The following GHR variants were observed in gnomAD, a reference collection of about 807,000 sequenced individuals.
GHR encodes the protein GH receptor.
A neutral mutation model predicts 67.1 loss-of-function variants in GHR; 35 were observed. That is an observed-to-expected ratio of 0.52 (90% CI 0.40 to 0.69). GHR has a LOEUF of 0.69. GHR is among the 30% of genes least tolerant of loss of function. The probability of loss-of-function intolerance (pLI) is 0.00; values close to 1 mark genes in which losing one functional copy is unlikely to be tolerated. For missense variants in GHR, 792 were observed against 764.6 expected (o/e 1.04, Z -0.42); for synonymous variants, 272 against 269.1 (o/e 1.01, Z -0.10).
At chr5:42,565,663 G>T in intron 1 of GHR, 1 of 985,310 alleles carries the variant, frequency 1.0e-6, no homozygotes, top group Non-Finnish European at 1.2e-6. Context: ...CTCACGGGAA[G>T]TAGAATTTAT....
At chr5:42,463,942 G>A (rs1744602249) in intron 1 of GHR, among the ~76,000 whole-genome samples, 2 of 127,840 alleles carry the variant, frequency 1.6e-5, no homozygotes, top group African/African-American at 3.0e-5. Context: ...GCAGTGAGCC[G>A]AGATCCCGCC....
chr5:42,681,573 A>G lies in GHR; in HGVS notation c.137-7317A>G, dbSNP rs146713454. On this transcript the variant is annotated intron_variant, in intron 3 of 9. Coordinates refer to ENST00000230882, the MANE Select transcript of GHR (RefSeq NM_000163.5). ...GGCAATTCCTCAAGGATCTAGAACT[A>G]GAAATACCATATGACCCAGTGATCC... Among the ~76,000 whole-genome samples, 1,469 of 152,342 alleles carry G rather than the reference A, an allele frequency of 9.6e-3. 22 individuals are homozygous for G. The highest frequency in any genetic ancestry group is 0.034 in the African/African-American group (1,399 of 41,584).
At chr5:42,581,756 G>C (rs1308289205) in intron 2 of GHR, among the ~76,000 whole-genome samples, 1 of 152,178 alleles carries the variant, frequency 6.6e-6, no homozygotes, top group Non-Finnish European at 1.5e-5. Context: ...AGAGCTGCCA[G>C]GTGGGAAGCC....
intron 2 of GHR, among the ~76,000 whole-genome samples, chr5:42,591,036 C>A (rs1340443367): frequency 6.6e-6 from 1 of 152,224 alleles, no homozygotes; most frequent in Non-Finnish European, 1.5e-5. Context: ...AAGCATTCTG[C>A]ATTAGGCAAA....
intron 8 of GHR, among the ~76,000 whole-genome samples, chr5:42,717,512 G>A (rs1329499167): frequency 6.6e-6 from 1 of 152,190 alleles, no homozygotes; most frequent in Admixed American, 6.5e-5. Flanking sequence ...AATGAACCCT[G>A]TAGTAAAACC....
At chr5:42,511,638 A>T (rs189378106) in intron 1 of GHR, among the ~76,000 whole-genome samples, 1 of 151,776 alleles carries the variant, frequency 6.6e-6, no homozygotes, top group Non-Finnish European at 1.5e-5. Context: ...GCTGTTTTTT[A>T]TTAGATAATA....
At chr5:42,476,283 C>T (rs1199632148) in intron 1 of GHR, among the ~76,000 whole-genome samples, 1 of 148,374 alleles carries the variant, frequency 6.7e-6, no homozygotes, top group Non-Finnish European at 1.5e-5. Flanking sequence ...TGCAGTGGCA[C>T]AATCTCGGCT....
chr5:42,459,671 G>T (rs1157914680), intron 1 of GHR, among the ~76,000 whole-genome samples: 2 of 150,830 alleles, frequency 1.3e-5, no homozygotes, highest in Non-Finnish European at 3.0e-5. Context: ...AAAGTTAAAA[G>T]AAAAAAAAAT....
chr5:42,653,739 G>C (rs999501267), intron 3 of GHR, among the ~76,000 whole-genome samples: 1 of 152,168 alleles, frequency 6.6e-6, no homozygotes, highest in East Asian at 1.9e-4. Flanking sequence ...TTGCTCTAGG[G>C]GGATATTAAG....
chr5:42,468,061 G>A (rs1744814601), intron 1 of GHR: 1 of 898,346 alleles, frequency 1.1e-6, no homozygotes, highest in African/African-American at 1.7e-5. Flanking sequence ...CTAATATGAT[G>A]CGGGGGTTTT....
intron 8 of GHR, among the ~76,000 whole-genome samples, chr5:42,717,220 G>T (rs1382498635): frequency 6.6e-6 from 1 of 152,018 alleles, no homozygotes; most frequent in South Asian, 2.1e-4. Context: ...ATATCGCTTG[G>T]CCCAGGAGTT....
At chr5:42,448,537 C>T (rs185819776) in intron 1 of GHR, among the ~76,000 whole-genome samples, 132 of 150,698 alleles carry the variant, frequency 8.8e-4, no homozygotes, top group Admixed American at 3.1e-3. Flanking sequence ...GCATAGTTTG[C>T]GAAGATTTTC....
chr5:42,584,517 G>A (rs1014364846), intron 2 of GHR, among the ~76,000 whole-genome samples: 2 of 152,096 alleles, frequency 1.3e-5, no homozygotes, highest in Admixed American at 1.3e-4. Context: ...TCCAAACACC[G>A]ACATAAACCG....
intron 1 of GHR, among the ~76,000 whole-genome samples, chr5:42,541,446 A>G (rs1314471042): frequency 6.6e-6 from 1 of 152,098 alleles, no homozygotes; most frequent in African/African-American, 2.4e-5. Context: ...CGTAGTGGTA[A>G]ATGGAGGCAG....
At chr5:42,479,059 A>G (rs1345795571) in intron 1 of GHR, among the ~76,000 whole-genome samples, 2 of 152,202 alleles carry the variant, frequency 1.3e-5, no homozygotes, top group East Asian at 3.9e-4. Flanking sequence ...GATATGTCCC[A>G]TCATTACCTA....
intron 2 of GHR, among the ~76,000 whole-genome samples, chr5:42,604,713 ATTTT>A (rs35060701): frequency 6.2e-5 from 9 of 144,856 alleles, no homozygotes; most frequent in African/African-American, 1.5e-4. Flanking sequence ...ACACCCCTCT[ATTTT>A]TTTTTTTTTT....
rs531591531 is a variant in GHR, at chr5:42,689,551, C to T, written c.266+532C>T. Among the ~76,000 whole-genome samples, 42 of 152,166 alleles carry T rather than the reference C, an allele frequency of 2.8e-4. No homozygotes were observed. In the South Asian group the frequency reaches 4.8e-3, roughly 17 times the overall value. ...TCCTAGACCAGAGACATAAGTGAAA[C>T]GGGACAGGCCACGTGAGTATCTGGG... On this transcript the variant is annotated intron_variant, in intron 4 of 9. Transcript: ENST00000230882.
chr5:42,585,579 C>CT (rs1465032512), intron 2 of GHR, among the ~76,000 whole-genome samples: 4 of 152,240 alleles, frequency 2.6e-5, no homozygotes, highest in Non-Finnish European at 5.9e-5. Flanking sequence ...CAGCCACACA[C>CT]TTTTTGCTGC....
intron 1 of GHR, among the ~76,000 whole-genome samples, chr5:42,491,082 C>CTTA (rs1422049266): frequency 7.6e-4 from 115 of 152,314 alleles, no homozygotes; most frequent in Admixed American, 3.2e-3. Flanking sequence ...AACACTGGAG[C>CTTA]TTATGCTGTG....
Sources: allele counts gnomAD v4.1 joint callset (sites outside exome capture counted in the v4.1 genomes callset), GRCh38; gene constraint gnomAD v4.1.1; transcripts MANE v1.5; gene names NCBI Gene and HGNC (gene_info 2026-07-23, HGNC 2026-07-21).